Variants in CSMD1 observed in about 807,000 individuals in gnomAD.
CSMD1 encodes CUB and Sushi multiple domains 1, also known as CUB and sushi domain-containing protein 1.
Under a neutral mutation model 417.5 loss-of-function variants are expected in CSMD1, and 213 were observed. The ratio of observed to expected loss-of-function variants is 0.51; its 90% CI spans 0.46 to 0.57. The LOEUF (loss-of-function observed/expected upper bound fraction) is 0.57. CSMD1 is among the 20% of genes least tolerant of loss of function. The probability of loss-of-function intolerance (pLI) is 0.00; values close to 1 mark genes in which losing one functional copy is unlikely to be tolerated. For missense variants in CSMD1, 6,923 were observed against 4,529.7 expected (o/e 1.53, Z -15.17); for synonymous variants, 2,862 against 1,736.8 (o/e 1.65, Z -16.11).
chr8:4,067,348 G>T (rs1216413327), intron 3 of CSMD1, among the ~76,000 whole-genome samples: 2 of 152,060 alleles, frequency 1.3e-5, no homozygotes, highest in Non-Finnish European at 2.9e-5. Context: ...TATAATTCAG[G>T]GAATTTTAAA....
rs547828987 is a variant in CSMD1 at position 3,035,937 on chromosome 8, T to C, written c.7661-6424A>G. ...CAATTTTCACAAATTCAGGAGAACATTTACTGGAGATCATTTCAAAATATT... is the reference window on the plus strand; with the variant it reads ...CAATTTTCACAAATTCAGGAGAACACTTACTGGAGATCATTTCAAAATATT... On this transcript the variant is annotated intron_variant, in intron 50 of 69. Coordinates refer to ENST00000635120, the MANE Select transcript of CSMD1 (RefSeq NM_033225.6). 7.4e-4 allele frequency among the ~76,000 whole-genome samples: 112 copies of C among 152,318 alleles called. 1 individual carries two copies. The Middle Eastern group carries it at 0.01, about 14-fold the overall frequency.
rs748639110 is a variant in CSMD1, at chr8:3,057,108, G to A, written c.7475-4461C>T. Among the ~76,000 whole-genome samples the A allele has an allele frequency of 4.9e-4, 75 of 152,154 alleles. 1 individual carries two copies. Among genetic ancestry groups the A allele is most frequent in the Non-Finnish European group, 9.3e-4 (63 of 67,994 alleles). On this transcript the variant is annotated intron_variant, in intron 49 of 69. Coordinates refer to ENST00000635120, the MANE Select transcript of CSMD1 (RefSeq NM_033225.6). ...TATACAGAAACTTCCACAAATATAA[G>A]CCATATAATGCTTATATGGTAAGAA...
At chr8:4,886,853 G>C (rs1338181847) in intron 1 of CSMD1, among the ~76,000 whole-genome samples, 1 of 151,848 alleles carries the variant, frequency 6.6e-6, no homozygotes, top group Admixed American at 6.6e-5. Context: ...TCAGATTTAA[G>C]TAACTTTTCT....
intron 5 of CSMD1, among the ~76,000 whole-genome samples, chr8:3,969,597 C>T (rs556906990): frequency 7.9e-5 from 12 of 152,148 alleles, no homozygotes; most frequent in Admixed American, 2.6e-4. Flanking sequence ...TTCATTCCAT[C>T]GTAACTTGAC....
chr8:3,383,865 A>T (rs1810795667), intron 18 of CSMD1, among the ~76,000 whole-genome samples: 1 of 152,196 alleles, frequency 6.6e-6, no homozygotes, highest in Non-Finnish European at 1.5e-5. Flanking sequence ...AACTTTTGAT[A>T]TGTTTAAGCA....
chr8:4,893,969 T>G (rs1334460923), intron 1 of CSMD1, among the ~76,000 whole-genome samples: 1 of 152,142 alleles, frequency 6.6e-6, no homozygotes, highest in East Asian at 1.9e-4. Flanking sequence ...TTTTTTTAGG[T>G]ACAGATTTTC....
intron 2 of CSMD1, among the ~76,000 whole-genome samples, chr8:4,420,314 A>G (rs1453484586): frequency 3.9e-5 from 6 of 152,218 alleles, no homozygotes; most frequent in African/African-American, 1.4e-4. Context: ...CTTATATAAT[A>G]TGCCATTGTC....
At chr8:3,317,603 A>C (rs770021297) in intron 23 of CSMD1, among the ~76,000 whole-genome samples, 2 of 152,202 alleles carry the variant, frequency 1.3e-5, no homozygotes, top group Non-Finnish European at 2.9e-5. Context: ...GTTTTGTTTA[A>C]TAGGAACTTC....
At position 3,971,072 on chromosome 8, in the gene CSMD1, T is replaced by C. The variant is rs541113921; in HGVS notation, c.818+26831A>G. 1.1e-4 allele frequency among the ~76,000 whole-genome samples: 17 copies of C among 152,176 alleles called. No homozygotes were observed. In the South Asian group the frequency reaches 2.7e-3, roughly 24 times the overall value. On this transcript the variant is annotated intron_variant, in intron 5 of 69. Transcript: ENST00000635120. The stretch of plus-strand genomic sequence containing the variant: ...GGCCTACATGGAATCTTAATACAAA[T>C]GGGGGAGCCGATGTCTGATGACATA...
intron 2 of CSMD1, among the ~76,000 whole-genome samples, chr8:4,543,846 C>A (rs1352358028): frequency 6.6e-6 from 1 of 152,012 alleles, no homozygotes; most frequent in African/African-American, 2.4e-5. Context: ...GTGGTGGTAT[C>A]TGATTATTGT....
At chr8:3,978,854 G>C (rs74768764) in intron 5 of CSMD1, among the ~76,000 whole-genome samples, 1 of 151,992 alleles carries the variant, frequency 6.6e-6, no homozygotes. Flanking sequence ...CCTTCCCAGC[G>C]CTCCCATTAG....
chr8:4,128,732 T>C (rs1009881629), intron 3 of CSMD1, among the ~76,000 whole-genome samples: 1 of 152,142 alleles, frequency 6.6e-6, no homozygotes, highest in Non-Finnish European at 1.5e-5. Flanking sequence ...TGGATACTTA[T>C]ACTTTCATCC....
chr8:4,582,697 G>C (rs902776981), intron 2 of CSMD1, among the ~76,000 whole-genome samples: 1 of 152,322 alleles, frequency 6.6e-6, no homozygotes, highest in Non-Finnish European at 1.5e-5. Flanking sequence ...CGCTCTCGGC[G>C]CCTCCTCTGC....
At chr8:4,815,102 A>G (rs1799131010) in intron 1 of CSMD1, among the ~76,000 whole-genome samples, 2 of 152,174 alleles carry the variant, frequency 1.3e-5, no homozygotes, top group South Asian at 2.1e-4. Context: ...ATTTGAAATG[A>G]CAGTTCTGAC....
intron 16 of CSMD1, among the ~76,000 whole-genome samples, chr8:3,396,979 T>C (rs1563345360): frequency 6.6e-6 from 1 of 152,152 alleles, no homozygotes; most frequent in Non-Finnish European, 1.5e-5. Context: ...AAGGATACTT[T>C]AATAACTTGA....
At chr8:3,749,236 A>G (rs1797203264) in intron 6 of CSMD1, among the ~76,000 whole-genome samples, 1 of 152,234 alleles carries the variant, frequency 6.6e-6, no homozygotes, top group Non-Finnish European at 1.5e-5. Flanking sequence ...CAGCTGATTT[A>G]AAGAAATAAT....
intron 12 of CSMD1, among the ~76,000 whole-genome samples, chr8:3,441,523 AC>A (rs200696469): frequency 1.3e-5 from 2 of 151,306 alleles, no homozygotes; most frequent in Non-Finnish European, 2.9e-5. Flanking sequence ...ACACACACAC[AC>A]AAAATCCTGT....
chr8:4,899,900 T>C (rs1173149092), intron 1 of CSMD1, among the ~76,000 whole-genome samples: 1 of 152,140 alleles, frequency 6.6e-6, no homozygotes, highest in Non-Finnish European at 1.5e-5. Context: ...AGCTGCTCTG[T>C]CCCTAGAGTT....
chr8:3,174,048 A>G (rs2129044837), intron 37 of CSMD1, among the ~76,000 whole-genome samples: 1 of 152,346 alleles, frequency 6.6e-6, no homozygotes, highest in Non-Finnish European at 1.5e-5. Flanking sequence ...CTCATACATC[A>G]GTGAAAACAA....
Sources: gnomAD v4.1 joint callset for allele counts (sites outside exome capture counted in the v4.1 genomes callset) on GRCh38, gnomAD v4.1.1 for gene constraint, MANE v1.5 for transcripts, NCBI Gene and HGNC (gene_info 2026-07-23, HGNC 2026-07-21) for gene names.